Variants in AKT1 observed in about 807,000 individuals in gnomAD.
AKT1 encodes RAC-alpha serine/threonine-protein kinase.
A neutral mutation model predicts 63.1 loss-of-function variants in AKT1; 21 were observed. The observed-to-expected ratio is 0.33, with a 90% CI of 0.24 to 0.48. AKT1 has a LOEUF of 0.48. Among genes scored for constraint, AKT1 ranks in the 20% least tolerant of loss-of-function variants. AKT1 has a pLI of 0.99. For synonymous variants in AKT1, 257 were observed against 253.1 expected (o/e 1.02, Z -0.15); for missense variants, 382 against 666.0 (o/e 0.57, Z 4.69).
chr14:104,769,573 T>TA lies in AKT1; in HGVS notation c.*767dup. The TA allele has an allele frequency of 1.9e-6, 1 of 532,414 alleles. No individual in the cohort carries two copies. The highest frequency in any genetic ancestry group is 3.6e-6 in the Non-Finnish European group (1 of 274,914). The allele number at this position is 532,414 out of a possible 1,614,324, so 33.0% of individuals were successfully genotyped here. On this transcript the variant is annotated 3_prime_UTR_variant, in exon 15 of 15. Transcript: ENST00000649815. ...GTTAAGCGTCGAAAAGGTCAAGTGC[T>TA]ACCGTGGAGAGATCATCTGAGGGGG...
At chr14:104,787,341 G>A (rs1471884194) in intron 3 of AKT1, among the ~76,000 whole-genome samples, 3 of 152,006 alleles carry the variant, frequency 2.0e-5, no homozygotes, top group Non-Finnish European at 2.9e-5. Context: ...GGGCCCCAGC[G>A]CTGGGCTGGG....
intron 13 of AKT1, chr14:104,771,473 C>T (rs538093247): frequency 1.7e-4 from 40 of 232,506 alleles, no homozygotes; most frequent in African/African-American, 8.2e-4. Context: ...TGTCCATTGT[C>T]AATTAGCAAG....
At chr14:104,777,534 C>T (rs1449197178) in intron 4 of AKT1, 6 of 1,013,230 alleles carry the variant, frequency 5.9e-6, no homozygotes, top group Non-Finnish European at 7.1e-6. Context: ...GGCACAGCCA[C>T]ACCTGGGGCA....
intron 3 of AKT1, among the ~76,000 whole-genome samples, chr14:104,784,510 G>A (rs375949641): frequency 5.3e-5 from 8 of 152,162 alleles, no homozygotes; most frequent in South Asian, 2.1e-4. Flanking sequence ...GTGGCCCTCC[G>A]GCAGGAGTGA....
chr14:104,795,492 C>A lies in AKT1; in HGVS notation c.-266G>T, dbSNP rs1421681265. 1.0e-4 allele frequency: 15 copies of A among 146,130 alleles called. No homozygotes were observed. The allele number at this position is 146,130 out of a possible 1,614,324, so 9.1% of individuals were successfully genotyped here. A position where few individuals can be genotyped will look rare whatever the true frequency, so the allele number is the denominator to read the frequency against. ...GGCGGGCGGGGACTCACCGGGCCGC[C>A]GCGTCCGGGCGCGAGCGCGGGCCTA... On this transcript the variant is annotated 5_prime_UTR_variant, in exon 1 of 15. Transcript: ENST00000649815. This position sits in a 1 kb window ranked among gnomAD's most constrained non-coding sequence, Gnocchi z 5.1.
chr14:104,786,778 G>A lies in AKT1; in HGVS notation c.46+5820C>T, dbSNP rs376250293. Reference sequence around the variant, plus strand: ...CTGGGACATTGTGGCCCTGACCCCCGTGGCCTCACCCCACACCTCACCAAG... The same window carrying A: ...CTGGGACATTGTGGCCCTGACCCCCATGGCCTCACCCCACACCTCACCAAG... On this transcript the variant is annotated intron_variant, in intron 3 of 14. Transcript: ENST00000649815. Among the ~76,000 whole-genome samples, 4 of 152,046 alleles carry A rather than the reference G, an allele frequency of 2.6e-5. No individual in the cohort carries two copies. The East Asian group carries it at 5.8e-4, about 22-fold the overall frequency.
intron 6 of AKT1, 23 bp from the exon 7 acceptor site, chr14:104,775,230 G>A (rs1566817768): frequency 6.2e-7 from 1 of 1,612,332 alleles, no homozygotes; most frequent in Non-Finnish European, 8.5e-7. Context: ...ACCAGGGTCA[G>A]CAAGCGGCGC....
At chr14:104,789,505 T>C (rs1034038382) in intron 3 of AKT1, among the ~76,000 whole-genome samples, 1 of 152,218 alleles carries the variant, frequency 6.6e-6, no homozygotes, top group Non-Finnish European at 1.5e-5. Flanking sequence ...GGCACGGAGC[T>C]ATCAAAGGAA....
rs1397852501 is a variant in AKT1 at position 104,773,490 on chromosome 14, G to A, written c.793C>T (p.His265Tyr). 1 of 1,613,930 alleles carries A rather than the reference G, an allele frequency of 6.2e-7. No homozygotes were observed. The highest frequency in any genetic ancestry group is 2.2e-5 in the East Asian group (1 of 44,870). ...CGGTACACCACGTTCTTCTCCGAGTGCAGGTAGTCCAGGGCTGACACAATC... is the reference window on the plus strand; with the variant it reads ...CGGTACACCACGTTCTTCTCCGAGTACAGGTAGTCCAGGGCTGACACAATC... Reference protein sequence around the residue: ...AEIVSALDYLHSEKNVVYRDL... With the variant: ...AEIVSALDYLYSEKNVVYRDL... Residue 265 changes from histidine (H) to tyrosine (Y), a missense_variant, in exon 10 of 15, where the codon CAC (histidine) becomes TAC (tyrosine). This residue lies in a region of AKT1 where 226 missense variants were observed against 366.4 expected (regional missense o/e 0.62). Coordinates refer to ENST00000649815, the MANE Select transcript of AKT1 (RefSeq NM_001382430.1).
chr14:104,789,737 T>C (rs1023182538), intron 3 of AKT1, among the ~76,000 whole-genome samples: 8 of 152,186 alleles, frequency 5.3e-5, no homozygotes, highest in Admixed American at 1.3e-4. Flanking sequence ...AGGGGACATC[T>C]GGCCCCCTGT....
intron 3 of AKT1, among the ~76,000 whole-genome samples, chr14:104,781,848 C>T (rs1392749344): frequency 1.3e-5 from 2 of 152,158 alleles, no homozygotes; most frequent in African/African-American, 4.8e-5. Flanking sequence ...GGCCAACACC[C>T]AGTTGCAGGG....
Position 104,769,482 on chromosome 14 carries a change from G to A in AKT1, c.*859C>T, listed in dbSNP as rs913318973. ...CAGCGGCAGCGTCTGGCCAGGAGGC[G>A]TGGAGGGGCCCAGGGATGGCCACCC... is the stretch of plus-strand genomic sequence containing the variant. On this transcript the variant is annotated 3_prime_UTR_variant, in exon 15 of 15. Transcript: ENST00000649815. 9.3e-5 allele frequency: 48 copies of A among 514,864 alleles called. No homozygotes were observed. The highest frequency in any genetic ancestry group is 1.5e-4 in the Non-Finnish European group (40 of 268,610). The allele number at this position is 514,864 out of a possible 1,614,324, so 31.9% of individuals were successfully genotyped here. A position where few individuals can be genotyped will look rare whatever the true frequency, so the allele number is the denominator to read the frequency against.
chr14:104,781,624 C>T lies in AKT1; in HGVS notation c.47-1408G>A, dbSNP rs577453107. On this transcript the variant is annotated intron_variant, in intron 3 of 14. Coordinates refer to ENST00000649815, the MANE Select transcript of AKT1 (RefSeq NM_001382430.1). ...TCCCTCCTACCCCGGCCCCAGCTGC[C>T]CAATGCCCTTCCCACCAGCACCACG... Among the ~76,000 whole-genome samples the T allele has an allele frequency of 7.2e-5, 11 of 152,310 alleles. No homozygotes were observed. In the East Asian group the frequency reaches 1.9e-3, roughly 27 times the overall value.
intron 1 of AKT1, chr14:104,793,729 T>G (rs1893745157): frequency 6.4e-6 from 1 of 156,346 alleles, no homozygotes; most frequent in African/African-American, 2.4e-5. Flanking sequence ...TCATTTCCCC[T>G]CTGATGGATG....
rs528047226 is a variant in AKT1 at position 104,793,391 on chromosome 14, G to A, written c.-257-87C>T. On this transcript the variant is annotated intron_variant, in intron 1 of 14. Coordinates refer to ENST00000649815, the MANE Select transcript of AKT1 (RefSeq NM_001382430.1). Reference sequence around the variant, plus strand: ...AAACGGGAGTCCAGAGCCCTCCAGCGCAAGCCCAAAAACCTCCTGGGAGAA... The same window carrying A: ...AAACGGGAGTCCAGAGCCCTCCAGCACAAGCCCAAAAACCTCCTGGGAGAA... 1.1e-4 allele frequency: 23 copies of A among 208,930 alleles called. No individual in the cohort carries two copies. In the South Asian group the frequency reaches 2.4e-3, roughly 22 times the overall value. 12.9% of individuals were successfully genotyped at this position (208,930 alleles called of 1,614,324 possible).
chr14:104,771,182 G>A (rs1191385497), intron 13 of AKT1: 2 of 320,378 alleles, frequency 6.2e-6, no homozygotes. Context: ...TTTCTTTCTT[G>A]TTTTCTTATT....
chr14:104,775,894 A>G, intron 5 of AKT1, 95 bp from the exon 6 acceptor site: 3 of 1,466,658 alleles, frequency 2.0e-6, no homozygotes, highest in Non-Finnish European at 2.7e-6. Context: ...GCGTGGTTCC[A>G]CAGCTGTCGG....
In AKT1 at chr14:104,780,257, C is replaced by T. The variant is rs185160322; in HGVS notation, c.47-41G>A. The T allele has an allele frequency of 9.9e-4, 1,589 of 1,602,602 alleles. 4 individuals are homozygous for T. Among genetic ancestry groups the T allele is most frequent in the Non-Finnish European group, 1.2e-3 (1,436 of 1,172,800 alleles). On this transcript the variant is annotated intron_variant, in intron 3 of 14. Transcript: ENST00000649815. Reference sequence around the variant, plus strand: ...TGGTGAGAGCCACGCACACTCTACCCGTCAGACCCTCGCCAGGCAGCCAGG... The same window carrying T: ...TGGTGAGAGCCACGCACACTCTACCTGTCAGACCCTCGCCAGGCAGCCAGG...
chr14:104,788,266 C>T (rs1167729844), intron 3 of AKT1, among the ~76,000 whole-genome samples: 9 of 152,298 alleles, frequency 5.9e-5, no homozygotes, highest in African/African-American at 2.2e-4. Context: ...CCAGGAGGCA[C>T]AGGCAGCCCT....
Sources: allele counts gnomAD v4.1 joint callset (sites outside exome capture counted in the v4.1 genomes callset), GRCh38; gene constraint gnomAD v4.1.1; regional missense constraint gnomAD v4.1.1; non-coding constraint Gnocchi (gnomAD v3.1); transcripts MANE v1.5; gene names NCBI Gene and HGNC (gene_info 2026-07-23, HGNC 2026-07-21).